The following JMY variants were observed in gnomAD, a reference collection of about 807,000 sequenced individuals.
JMY encodes junction-mediating and -regulatory protein.
Under a neutral mutation model 103.3 loss-of-function variants are expected in JMY, and 46 were observed. The ratio of observed to expected loss-of-function variants is 0.45; its 90% confidence interval spans 0.35 to 0.57. JMY has a LOEUF of 0.57. Among genes scored for constraint, JMY ranks in the 20% least tolerant of loss-of-function variants. The probability of loss-of-function intolerance (pLI) is 0.00; values close to 1 mark genes in which losing one functional copy is unlikely to be tolerated. For missense variants in JMY, 1,238 were observed against 1,255.2 expected (o/e 0.99, Z 0.21); for synonymous variants, 526 against 489.3 (o/e 1.07, Z -0.99).
At chr5:79,283,002 T>TA (rs1746166301) in intron 2 of JMY, among the ~76,000 whole-genome samples, 1 of 149,326 alleles carries the variant, frequency 6.7e-6, no homozygotes, top group African/African-American at 2.4e-5. Context: ...TAATAATAAT[T>TA]ATTATTATTT....
chr5:79,314,130 A>T lies in JMY; in HGVS notation c.2065-127A>T, dbSNP rs968523438. 4.8e-6 allele frequency: 7 copies of T among 1,448,604 alleles called. No homozygotes were observed. In the African/African-American group the frequency reaches 8.6e-5, roughly 18 times the overall value. The allele number at this position is 1,448,604 out of a possible 1,614,324, so 89.7% of individuals were successfully genotyped here. A position where few individuals can be genotyped will look rare whatever the true frequency, so the allele number is the denominator to read the frequency against. ...CGCCTCGGCCTCCCAAAGTGCTGGGATTACAGGCGTGAGCCACCACACCCG... is the reference window on the plus strand; with the variant it reads ...CGCCTCGGCCTCCCAAAGTGCTGGGTTTACAGGCGTGAGCCACCACACCCG... On this transcript the variant is annotated intron_variant, in intron 8 of 10. Coordinates refer to ENST00000396137, the MANE Select transcript of JMY (RefSeq NM_152405.5).
intron 1 of JMY, among the ~76,000 whole-genome samples, chr5:79,277,393 G>A (rs968705352): frequency 1.3e-5 from 2 of 151,834 alleles, no homozygotes; most frequent in Non-Finnish European, 1.5e-5. Flanking sequence ...TTGGGAGGCC[G>A]AGGCGGGTGG....
Position 79,241,830 on chromosome 5 carries a change from G to A in JMY, c.1032+4148G>A, listed in dbSNP as rs75259985. 4.9e-3 allele frequency among the ~76,000 whole-genome samples: 742 copies of A among 152,314 alleles called. 5 individuals carry two copies. Among genetic ancestry groups the A allele is most frequent in the African/African-American group, 0.017 (700 of 41,570 alleles). Reference sequence around the variant, plus strand: ...AAGCAGTATTTATACAGTAGACACTGAATCAGTCCTTAAATGAATGCAGGT... The same window carrying A: ...AAGCAGTATTTATACAGTAGACACTAAATCAGTCCTTAAATGAATGCAGGT... On this transcript the variant is annotated intron_variant, in intron 1 of 10. Coordinates refer to ENST00000396137, the MANE Select transcript of JMY (RefSeq NM_152405.5).
chr5:79,260,323 A>T (rs2112064859), intron 1 of JMY, among the ~76,000 whole-genome samples: 1 of 152,106 alleles, frequency 6.6e-6, no homozygotes, highest in East Asian at 1.9e-4. Flanking sequence ...GGCACAGGAA[A>T]CCCACTGCCA....
At chr5:79,250,359 G>GTGATGTCCTTTTGA (rs1189098350) in intron 1 of JMY, among the ~76,000 whole-genome samples, 2 of 152,194 alleles carry the variant, frequency 1.3e-5, no homozygotes, top group Non-Finnish European at 1.5e-5. Flanking sequence ...CACAGGACAG[G>GTGATGTCCTTTTGA]TGGTCCTTTT....
At position 79,271,530 on chromosome 5, in the gene JMY, G is replaced by C. The variant is rs951037104; in HGVS notation, c.1033-6380G>C. On this transcript the variant is annotated intron_variant, in intron 1 of 10. Coordinates refer to ENST00000396137, the MANE Select transcript of JMY (RefSeq NM_152405.5). ...GCCTGATGCATTCTGTTTTGGAAGGGTATAGTTATTGATTCAATCACTTGC... is the reference window on the plus strand; with the variant it reads ...GCCTGATGCATTCTGTTTTGGAAGGCTATAGTTATTGATTCAATCACTTGC... Among the ~76,000 whole-genome samples, 8 of 152,206 alleles carry C rather than the reference G, an allele frequency of 5.3e-5. No homozygotes were observed. In the South Asian group the frequency reaches 1.7e-3, roughly 32 times the overall value.
intron 1 of JMY, among the ~76,000 whole-genome samples, chr5:79,275,818 A>C (rs945826736): frequency 6.6e-6 from 1 of 152,204 alleles, no homozygotes; most frequent in African/African-American, 2.4e-5. Flanking sequence ...AAGCACTTTA[A>C]TGTAGATTGT....
chr5:79,316,015 A>G lies in JMY; in HGVS notation c.2675A>G (p.Asp892Gly). Reference sequence around the variant, plus strand: ...TTTTCCAAAGTGAGCTCACCCATGGATGAGGTGCTAGCCTCCTTGAAGCGT... The same window carrying G: ...TTTTCCAAAGTGAGCTCACCCATGGGTGAGGTGCTAGCCTCCTTGAAGCGT... Reference protein sequence around the residue: ...LQRRRVSSPMDEVLASLKRGS... With the variant: ...LQRRRVSSPMGEVLASLKRGS... The change falls in exon 10 of 11, where the codon GAT becomes GGT. Residue 892 changes from aspartate (D) to glycine (G), a missense_variant. Transcript: ENST00000396137. 6.2e-7 allele frequency: 1 copy of G among 1,613,730 alleles called. No homozygotes were observed. Among genetic ancestry groups the G allele is most frequent in the South Asian group, 1.1e-5 (1 of 91,066 alleles).
At chr5:79,280,573 G>T (rs1438297932) in intron 2 of JMY, among the ~76,000 whole-genome samples, 1 of 151,882 alleles carries the variant, frequency 6.6e-6, no homozygotes, top group East Asian at 1.9e-4. Flanking sequence ...TTTTATTCTT[G>T]ATCCTACTTG....
chr5:79,299,887 A>G (rs1746679404), intron 4 of JMY, among the ~76,000 whole-genome samples: 1 of 152,172 alleles, frequency 6.6e-6, no homozygotes, highest in African/African-American at 2.4e-5. Context: ...TATTATTACC[A>G]TAAATATGCA....
At chr5:79,263,814 T>C (rs1745497562) in intron 1 of JMY, among the ~76,000 whole-genome samples, 1 of 151,954 alleles carries the variant, frequency 6.6e-6, no homozygotes, top group Non-Finnish European at 1.5e-5. Flanking sequence ...TTTTTTTTTT[T>C]GAAACAGAGT....
In JMY at chr5:79,263,082, A is replaced by G. The variant is rs183606912; in HGVS notation, c.1033-14828A>G. 3.6e-3 allele frequency among the ~76,000 whole-genome samples: 541 copies of G among 152,118 alleles called. 1 individual carries two copies. The highest frequency in any genetic ancestry group is 0.012 in the African/African-American group (496 of 41,510). On this transcript the variant is annotated intron_variant, in intron 1 of 10. Coordinates refer to ENST00000396137, the MANE Select transcript of JMY (RefSeq NM_152405.5). ...GATCACTTGTAAATGACTCAGGGGG[A>G]TTTTACTATTGAAAGATGTTGGCAC...
chr5:79,288,112 A>T (rs977807838), intron 2 of JMY, among the ~76,000 whole-genome samples: 6 of 152,248 alleles, frequency 3.9e-5, no homozygotes, highest in Admixed American at 3.3e-4. Flanking sequence ...CACTTAGTGC[A>T]TAGAATCCCA....
chr5:79,307,085 AGCT>A (rs1746908278), intron 7 of JMY, among the ~76,000 whole-genome samples: 1 of 152,220 alleles, frequency 6.6e-6, no homozygotes, highest in Non-Finnish European at 1.5e-5. Context: ...ATGGCTTGAT[AGCT>A]CATTTTAACA....
At chr5:79,264,809 A>G (rs971916559) in intron 1 of JMY, among the ~76,000 whole-genome samples, 1 of 152,230 alleles carries the variant, frequency 6.6e-6, no homozygotes, top group Admixed American at 6.5e-5. Flanking sequence ...ACCATAAGAA[A>G]TGAGTTTTGG....
intron 4 of JMY, 76 bp from the exon 5 acceptor site, chr5:79,300,077 G>A: frequency 8.4e-7 from 1 of 1,183,986 alleles, no homozygotes. Context: ...TATCTGATTA[G>A]TATTAATTTT....
chr5:79,265,495 T>G (rs1259963974), intron 1 of JMY, among the ~76,000 whole-genome samples: 1 of 152,150 alleles, frequency 6.6e-6, no homozygotes, highest in Non-Finnish European at 1.5e-5. Context: ...GTGACACCAA[T>G]GTTGCTGGTC....
Position 79,326,039 on chromosome 5 carries a change from C to T in JMY, c.*4437C>T, listed in dbSNP as rs1406850361. 1 of 152,156 alleles carries T rather than the reference C, an allele frequency of 6.6e-6. No individual in the cohort carries two copies. The highest frequency in any genetic ancestry group is 1.5e-5 in the Non-Finnish European group (1 of 68,010). The allele number at this position is 152,156 out of a possible 1,614,324, so 9.4% of individuals were successfully genotyped here. A position where few individuals can be genotyped will look rare whatever the true frequency, so the allele number is the denominator to read the frequency against. ...GAATTCCAAATTTATACTGTCTCTT[C>T]CCTTCTGCAGAGACATTATGCCACT... On this transcript the variant is annotated 3_prime_UTR_variant, in exon 11 of 11. Transcript: ENST00000396137.
rs1744569516 is a variant in JMY, at chr5:79,237,698, C to G, written c.1032+16C>G. ...CATCCAGGAGGTGAGTGAGTGAGCTCCTAGTCTGGGCTCTACTGGTCGCTT... is the reference window on the plus strand; with the variant it reads ...CATCCAGGAGGTGAGTGAGTGAGCTGCTAGTCTGGGCTCTACTGGTCGCTT... On this transcript the variant is annotated intron_variant, in intron 1 of 10. Coordinates refer to ENST00000396137, the MANE Select transcript of JMY (RefSeq NM_152405.5). 1 of 1,602,736 alleles carries G rather than the reference C, an allele frequency of 6.2e-7. No homozygotes were observed. Among genetic ancestry groups the G allele is most frequent in the South Asian group, 1.1e-5 (1 of 90,034 alleles).
Sources: gnomAD v4.1 joint callset for allele counts (sites outside exome capture counted in the v4.1 genomes callset) on GRCh38, gnomAD v4.1.1 for gene constraint, MANE v1.5 for transcripts, NCBI Gene and HGNC (gene_info 2026-07-23, HGNC 2026-07-21) for gene names.